The following PTPRS variants were observed in gnomAD, a reference collection of about 807,000 sequenced individuals.
PTPRS encodes the protein protein tyrosine phosphatase receptor type S, also known as receptor-type tyrosine-protein phosphatase S.
Under a neutral mutation model 215.3 loss-of-function variants are expected in PTPRS, and 63 were observed. The observed-to-expected ratio is 0.29, with a 90% CI of 0.24 to 0.36. The LOEUF (loss-of-function observed/expected upper bound fraction) is 0.36, where lower values mean the gene tolerates loss of function less well. Ranked by LOEUF, PTPRS falls within the 10% of genes least tolerant of loss-of-function variation. The probability of loss-of-function intolerance (pLI) is 1.00; values close to 1 mark genes in which losing one functional copy is unlikely to be tolerated. For synonymous variants in PTPRS, 1,404 were observed against 1,191.4 expected (o/e 1.18, Z -3.68); for missense variants, 2,258 against 2,825.8 (o/e 0.80, Z 4.56).
Position 5,248,164 on chromosome 19 carries a change from T to C in PTPRS, c.719-2119A>G, listed in dbSNP as rs554190865. The stretch of plus-strand genomic sequence containing the variant: ...CACCCACAGCGAGGCACAGGTAAGA[T>C]GCCAAGGCTGAGTTGTCATGGAAAC... On this transcript the variant is annotated intron_variant, in intron 9 of 37. Coordinates refer to ENST00000262963, the MANE Select transcript of PTPRS (RefSeq NM_002850.4). Among the ~76,000 whole-genome samples the C allele has an allele frequency of 9.9e-5, 15 of 151,890 alleles. No homozygotes were observed. In the South Asian group the frequency reaches 1.3e-3, roughly 13 times the overall value.
intron 30 of PTPRS, among the ~76,000 whole-genome samples, chr19:5,213,075 CCT>C (rs575336730): frequency 5.1e-4 from 77 of 152,178 alleles, no homozygotes; most frequent in African/African-American, 1.3e-3. Flanking sequence ...TAACTCTTCC[CCT>C]CTCACATCCA....
rs566833330 is a variant in PTPRS at position 5,325,571 on chromosome 19, A to G, written c.-95+15093T>C. 3.0e-4 allele frequency among the ~76,000 whole-genome samples: 46 copies of G among 152,224 alleles called. 1 individual carries two copies. In the South Asian group the frequency reaches 8.9e-3, roughly 29 times the overall value. ...CACTCATTCCAACATCCACCTCCCAAAAGACTCCAAGGTCAGAAGCAGTGG... is the reference window on the plus strand; with the variant it reads ...CACTCATTCCAACATCCACCTCCCAGAAGACTCCAAGGTCAGAAGCAGTGG... On this transcript the variant is annotated intron_variant, in intron 1 of 37. Transcript: ENST00000262963.
At chr19:5,235,839 ACTGT>A (rs936818737) in intron 13 of PTPRS, among the ~76,000 whole-genome samples, 1 of 152,124 alleles carries the variant, frequency 6.6e-6, no homozygotes, top group Non-Finnish European at 1.5e-5. Context: ...ATTAAAGGGA[ACTGT>A]CTGTGTGTTA....
intron 13 of PTPRS, among the ~76,000 whole-genome samples, chr19:5,236,465 C>G (rs1416364718): frequency 2.0e-5 from 3 of 152,190 alleles, no homozygotes; most frequent in Non-Finnish European, 4.4e-5. Context: ...CAAGTGCCCA[C>G]GATTTTAGAA....
In PTPRS at chr19:5,237,256, A is replaced by G. The variant is rs1264757422; in HGVS notation, c.1849+1663T>C. On this transcript the variant is annotated intron_variant, in intron 13 of 37. Transcript: ENST00000262963. This position sits in a 1 kb window ranked among gnomAD's most constrained non-coding sequence, Gnocchi z 4.2. ...CCCACGGCTGAGTGGTCTGACCTGC[A>G]CCTACCCTGTGTTCAGCCTAAGGAG... 6.6e-6 allele frequency among the ~76,000 whole-genome samples: 1 copy of G among 151,896 alleles called. No homozygotes were observed. Among genetic ancestry groups the G allele is most frequent in the East Asian group, 2.0e-4 (1 of 5,126 alleles).
intron 1 of PTPRS, among the ~76,000 whole-genome samples, chr19:5,297,775 GTCTT>G (rs1187564597): frequency 4.0e-5 from 6 of 148,964 alleles, no homozygotes; most frequent in African/African-American, 7.5e-5. Flanking sequence ...TTTCCTTCCA[GTCTT>G]TCTTTTCTTT....
chr19:5,312,847 G>A (rs907792336), intron 1 of PTPRS, among the ~76,000 whole-genome samples: 21 of 152,308 alleles, frequency 1.4e-4, no homozygotes, highest in African/African-American at 4.8e-4. Flanking sequence ...ACTTGTCCAA[G>A]GTCACACAGC....
chr19:5,212,493 TG>T lies in PTPRS; in HGVS notation c.4615-3del. 2 of 1,586,206 alleles carry T rather than the reference TG, an allele frequency of 1.3e-6. No individual in the cohort carries two copies. The highest frequency in any genetic ancestry group is 2.3e-5 in the East Asian group (1 of 43,384). On this transcript the variant is annotated splice_polypyrimidine_tract_variant and splice_region_variant and intron_variant, in intron 30 of 37. Coordinates refer to ENST00000262963, the MANE Select transcript of PTPRS (RefSeq NM_002850.4). Reference sequence around the variant, plus strand: ...CTCGCGTTTCTCACTGGAGCCATTCTGGGGACCACAAGGATGTCACCTGTCA... The same window carrying T: ...CTCGCGTTTCTCACTGGAGCCATTCTGGGACCACAAGGATGTCACCTGTCA...
chr19:5,215,320 G>A lies in PTPRS; in HGVS notation c.4287C>T (p.Asp1429=). The change falls in exon 28 of 38, where the codon GAC becomes GAT. Residue 1429 remains aspartate, a synonymous_variant. Transcript: ENST00000262963. ...KNRYANVIAY[D]HSRVILQPIE... ...TGGGCTGGAGGATGACACGGGAGTG[G>A]TCATAGGCGATGACGTTGGCATAGC... The A allele has an allele frequency of 3.1e-6, 5 of 1,614,174 alleles. No homozygotes were observed. Among genetic ancestry groups the A allele is most frequent in the Non-Finnish European group, 4.2e-6 (5 of 1,180,020 alleles).
intron 1 of PTPRS, among the ~76,000 whole-genome samples, chr19:5,324,386 G>A (rs1428165305): frequency 2.6e-5 from 4 of 152,122 alleles, no homozygotes; most frequent in East Asian, 3.9e-4. Context: ...CCTGAAACCC[G>A]CTTCCCCTGG....
intron 4 of PTPRS, among the ~76,000 whole-genome samples, chr19:5,267,468 C>T (rs887783702): frequency 1.1e-4 from 16 of 151,882 alleles, no homozygotes; most frequent in Admixed American, 3.9e-4. Context: ...ACCAGCCTGG[C>T]CAACATGGTG....
rs1461372872 is a variant in PTPRS at position 5,221,017 on chromosome 19, C to G, written c.3438G>C (p.Gln1146His). 6.2e-7 allele frequency: 1 copy of G among 1,611,392 alleles called. No individual in the cohort carries two copies. The highest frequency in any genetic ancestry group is 8.5e-7 in the Non-Finnish European group (1 of 1,178,612). The change falls in exon 20 of 38, where the codon CAG (glutamine) becomes CAC (histidine). Residue 1146 changes from glutamine (Q) to histidine (H), a missense_variant. Gln to His is a conservative substitution (Grantham distance 24, BLOSUM62 0). Around this residue, in one of 6 missense-constraint regions of PTPRS, gnomAD observed 927 missense variants for 1,125.9 expected, o/e 0.82. Coordinates refer to ENST00000262963, the MANE Select transcript of PTPRS (RefSeq NM_002850.4). ...GAGCATACTGGACAGGCACGGGGCT[C>G]TGGCCGTCAGGAAGATACACCATGA... The part of the protein sequence containing the change: ...GFIMVYLPDG[Q>H]SPVPVQSYFI...
Position 5,222,689 on chromosome 19 carries a change from C to A in PTPRS, c.3103G>T (p.Val1035Phe). The A allele has an allele frequency of 6.3e-7, 1 of 1,581,556 alleles. No homozygotes were observed. Among genetic ancestry groups the A allele is most frequent in the South Asian group, 1.1e-5 (1 of 89,328 alleles). ...VRYRTFLRDQ[V>F]SPKNFKVKMI... ...GGTGCAGGGGTCGCCGCGCGCCTAC[C>A]TTGGTCCCGCAGGAACGTCCGGTAG... is the stretch of plus-strand genomic sequence containing the variant. The change falls in exon 18 of 38, where the codon GTC becomes TTC. Residue 1035 changes from valine (V) to phenylalanine (F), a missense_variant and splice_region_variant. Val to Phe is a conservative substitution (Grantham distance 50). Around this residue, in one of 6 missense-constraint regions of PTPRS, gnomAD observed 361 missense variants for 332.6 expected, o/e 1.09. Transcript: ENST00000262963.
chr19:5,265,678 G>A (rs565292119), intron 4 of PTPRS, among the ~76,000 whole-genome samples: 4 of 152,110 alleles, frequency 2.6e-5, no homozygotes, highest in African/African-American at 9.6e-5. Flanking sequence ...GCTGGTGTCA[G>A]GGAGCTGAGC....
chr19:5,300,478 A>C (rs568047933), intron 1 of PTPRS, among the ~76,000 whole-genome samples: 12 of 152,104 alleles, frequency 7.9e-5, no homozygotes, highest in African/African-American at 2.9e-4. Context: ...TGCTTTCTAA[A>C]TGAAGAAGTG....
rs1463942987 is a variant in PTPRS, at chr19:5,318,158, G to A, written c.-95+22506C>T. Among the ~76,000 whole-genome samples, 4 of 150,888 alleles carry A rather than the reference G, an allele frequency of 2.7e-5. No individual in the cohort carries two copies. In the South Asian group the frequency reaches 6.3e-4, roughly 24 times the overall value. ...TGCACTCCAGCCTAGGCAACAGAGC[G>A]AGACTCCGTCTCCAAAAAAAAAAAA... On this transcript the variant is annotated intron_variant, in intron 1 of 37. Transcript: ENST00000262963.
At chr19:5,316,749 G>A (rs980025375) in intron 1 of PTPRS, among the ~76,000 whole-genome samples, 4 of 151,634 alleles carry the variant, frequency 2.6e-5, no homozygotes, top group South Asian at 4.2e-4. Context: ...GGCTGGTCTC[G>A]AACTCCTGAG....
rs2041069270 is a variant in PTPRS at position 5,213,033 on chromosome 19, G to A, written c.4615-542C>T. Among the ~76,000 whole-genome samples the A allele has an allele frequency of 2.0e-5, 3 of 152,188 alleles. No individual in the cohort carries two copies. In the South Asian group the frequency reaches 6.2e-4, roughly 32 times the overall value. ...TAGCTGAAGGTGGCTCCAACCTTCT[G>A]GGCACTCTGGCCACAGCTTGGGAGT... On this transcript the variant is annotated intron_variant, in intron 30 of 37. Coordinates refer to ENST00000262963, the MANE Select transcript of PTPRS (RefSeq NM_002850.4).
chr19:5,339,616 G>A lies in PTPRS; in HGVS notation c.-95+1048C>T, dbSNP rs1039611038. Among the ~76,000 whole-genome samples the A allele has an allele frequency of 1.3e-5, 2 of 152,038 alleles. No homozygotes were observed. Among genetic ancestry groups the A allele is most frequent in the Non-Finnish European group, 2.9e-5 (2 of 67,954 alleles). Reference sequence around the variant, plus strand: ...ATTTTAGGAGAGATTCCCATAAAGAGAGGTGAACTTGGCCGCAACCTGGCC... The same window carrying A: ...ATTTTAGGAGAGATTCCCATAAAGAAAGGTGAACTTGGCCGCAACCTGGCC... On this transcript the variant is annotated intron_variant, in intron 1 of 37. Transcript: ENST00000262963. This position sits in a 1 kb window ranked among gnomAD's most constrained non-coding sequence, Gnocchi z 4.2.
Sources: gnomAD v4.1 joint callset for allele counts (sites outside exome capture counted in the v4.1 genomes callset) on GRCh38, gnomAD v4.1.1 for gene constraint, gnomAD v4.1.1 regional missense constraint, Gnocchi (gnomAD v3.1) non-coding constraint, MANE v1.5 for transcripts, NCBI Gene and HGNC (gene_info 2026-07-23, HGNC 2026-07-21) for gene names.